Variants in PPP1R16B observed in about 807,000 individuals in gnomAD.
PPP1R16B encodes protein phosphatase 1 regulatory inhibitor subunit 16B.
In PPP1R16B, 14 loss-of-function variants were observed where a neutral mutation model predicts 61.7. The ratio of observed to expected loss-of-function variants is 0.23; its 90% CI spans 0.15 to 0.35. PPP1R16B has a LOEUF of 0.35. Ranked by LOEUF, PPP1R16B falls within the 10% of genes least tolerant of loss-of-function variation. The probability of loss-of-function intolerance (pLI) is 1.00; values close to 1 mark genes in which losing one functional copy is unlikely to be tolerated. For missense variants in PPP1R16B, 547 were observed against 752.5 expected (o/e 0.73, Z 3.19); for synonymous variants, 266 against 305.3 (o/e 0.87, Z 1.34).
chr20:38,828,481 T>C (rs79254669), intron 1 of PPP1R16B, among the ~76,000 whole-genome samples: 2 of 152,220 alleles, frequency 1.3e-5, no homozygotes, highest in African/African-American at 2.4e-5. Context: ...CCAATTCAAC[T>C]GGCTCAAATA....
At chr20:38,859,660 T>A (rs1445193069) in intron 2 of PPP1R16B, among the ~76,000 whole-genome samples, 2 of 151,922 alleles carry the variant, frequency 1.3e-5, no homozygotes, top group African/African-American at 4.8e-5. Flanking sequence ...CCTGGCTGAT[T>A]TTTAAATTTT....
chr20:38,896,885 G>T (rs918426716), intron 4 of PPP1R16B, among the ~76,000 whole-genome samples: 1 of 152,170 alleles, frequency 6.6e-6, no homozygotes, highest in South Asian at 2.1e-4. Flanking sequence ...GGTAGCTCAC[G>T]CCTGTAATCT....
intron 2 of PPP1R16B, among the ~76,000 whole-genome samples, chr20:38,845,096 G>A (rs1350222110): frequency 6.6e-6 from 1 of 151,972 alleles, no homozygotes; most frequent in African/African-American, 2.4e-5. Flanking sequence ...CTGCCATTCT[G>A]GTGCTTTCGG....
chr20:38,811,739 ATAG>A (rs2084701947), intron 1 of PPP1R16B, among the ~76,000 whole-genome samples: 1 of 152,056 alleles, frequency 6.6e-6, no homozygotes, highest in African/African-American at 2.4e-5. Context: ...TTTTCGGGGG[ATAG>A]TGGGGGAGAG....
In PPP1R16B at chr20:38,806,738, C is replaced by G. The variant is rs572388470; in HGVS notation, c.-102+946C>G. 6.6e-6 allele frequency among the ~76,000 whole-genome samples: 1 copy of G among 152,300 alleles called. No homozygotes were observed. Among genetic ancestry groups the G allele is most frequent in the Non-Finnish European group, 1.5e-5 (1 of 68,024 alleles). On this transcript the variant is annotated intron_variant, in intron 1 of 10. Transcript: ENST00000299824. This position sits in a 1 kb window ranked among gnomAD's most constrained non-coding sequence, Gnocchi z 4.5. ...TCCCCCACCCCGGCCCGGCCTCCAGCTTCACTGGAGATGCTGATGATGCAG... is the reference window on the plus strand; with the variant it reads ...TCCCCCACCCCGGCCCGGCCTCCAGGTTCACTGGAGATGCTGATGATGCAG...
intron 2 of PPP1R16B, among the ~76,000 whole-genome samples, chr20:38,872,176 G>A (rs2085134930): frequency 6.6e-6 from 1 of 152,184 alleles, no homozygotes; most frequent in Admixed American, 6.5e-5. Flanking sequence ...GGTGCCTTCA[G>A]TCATTTAATC....
chr20:38,841,314 C>CCAGG (rs1568659018), intron 2 of PPP1R16B, among the ~76,000 whole-genome samples: 1 of 143,318 alleles, frequency 7.0e-6, no homozygotes, highest in East Asian at 2.0e-4. Flanking sequence ...TCGCTTAAGC[C>CCAGG]CAGGAGTTCT....
intron 2 of PPP1R16B, among the ~76,000 whole-genome samples, chr20:38,859,472 G>T (rs979610283): frequency 1.3e-5 from 2 of 152,202 alleles, no homozygotes; most frequent in African/African-American, 2.4e-5. Flanking sequence ...AATAGAAAAA[G>T]AATTCAAGCC....
At position 38,888,172 on chromosome 20, in the gene PPP1R16B, G is replaced by A. The variant is rs553536438; in HGVS notation, c.251-1423G>A. ...CCGTAGCGTGGAGATAGTGTCCACG[G>A]TGGGGATTAGGGGATGTGGACTTTG... On this transcript the variant is annotated intron_variant, in intron 2 of 10. Coordinates refer to ENST00000299824, the MANE Select transcript of PPP1R16B (RefSeq NM_015568.4). Among the ~76,000 whole-genome samples, 7 of 152,230 alleles carry A rather than the reference G, an allele frequency of 4.6e-5. No individual in the cohort carries two copies. In the East Asian group the frequency reaches 7.7e-4, roughly 17 times the overall value.
chr20:38,867,974 T>A (rs1237510625), intron 2 of PPP1R16B, among the ~76,000 whole-genome samples: 1 of 152,152 alleles, frequency 6.6e-6, no homozygotes, highest in East Asian at 1.9e-4. Flanking sequence ...CACCTGGCCG[T>A]GATTCTTTGA....
chr20:38,871,642 C>A (rs1211616746), intron 2 of PPP1R16B, among the ~76,000 whole-genome samples: 1 of 86,294 alleles, frequency 1.2e-5, no homozygotes, highest in Non-Finnish European at 2.1e-5. Flanking sequence ...AGGAGGGAGG[C>A]AAAGAAAGGG....
intron 1 of PPP1R16B, among the ~76,000 whole-genome samples, chr20:38,834,013 A>T (rs1019449023): frequency 6.6e-6 from 1 of 152,148 alleles, no homozygotes; most frequent in African/African-American, 2.4e-5. Flanking sequence ...CATCACACAG[A>T]TGTAGACTCC....
intron 10 of PPP1R16B, among the ~76,000 whole-genome samples, chr20:38,916,586 C>G (rs1331630975): frequency 6.6e-6 from 1 of 151,716 alleles, no homozygotes; most frequent in Non-Finnish European, 1.5e-5. Flanking sequence ...AGGCTTTGCA[C>G]TAATGAGAGA....
chr20:38,896,821 TG>T (rs1454785122), intron 4 of PPP1R16B, among the ~76,000 whole-genome samples: 1 of 152,152 alleles, frequency 6.6e-6, no homozygotes, highest in Non-Finnish European at 1.5e-5. Flanking sequence ...TCTGTCTCTA[TG>T]AATTTGACTA....
At chr20:38,819,196 C>A (rs1270046398) in intron 1 of PPP1R16B, among the ~76,000 whole-genome samples, 1 of 152,134 alleles carries the variant, frequency 6.6e-6, no homozygotes, top group African/African-American at 2.4e-5. Context: ...ATTACTTAAC[C>A]CTATGGAGCT....
intron 2 of PPP1R16B, among the ~76,000 whole-genome samples, chr20:38,853,458 C>T (rs1034832707): frequency 6.6e-6 from 1 of 152,136 alleles, no homozygotes; most frequent in Non-Finnish European, 1.5e-5. Flanking sequence ...AAATGAAACC[C>T]AAATCTTGAT....
intron 10 of PPP1R16B, among the ~76,000 whole-genome samples, chr20:38,913,451 C>T (rs561577190): frequency 6.4e-4 from 97 of 151,804 alleles, no homozygotes; most frequent in African/African-American, 2.1e-3. Flanking sequence ...TTAGTAGAGA[C>T]GGGGTTTCAC....
chr20:38,831,401 G>C (rs1400622071), intron 1 of PPP1R16B, among the ~76,000 whole-genome samples: 3 of 152,252 alleles, frequency 2.0e-5, no homozygotes, highest in Non-Finnish European at 4.4e-5. Context: ...CCTAGCTGCT[G>C]TGTTCACCCT....
At chr20:38,913,670 G>A (rs1468992992) in intron 10 of PPP1R16B, among the ~76,000 whole-genome samples, 1 of 152,190 alleles carries the variant, frequency 6.6e-6, no homozygotes, top group African/African-American at 2.4e-5. Flanking sequence ...AAGGAGAAAG[G>A]AGTTCGTTTC....
Sources: gnomAD v4.1 joint callset for allele counts (sites outside exome capture counted in the v4.1 genomes callset) on GRCh38, gnomAD v4.1.1 for gene constraint, Gnocchi (gnomAD v3.1) non-coding constraint, MANE v1.5 for transcripts, NCBI Gene and HGNC (gene_info 2026-07-23, HGNC 2026-07-21) for gene names.